Variants in ZCCHC7 observed in about 807,000 individuals in gnomAD.
ZCCHC7 encodes zinc finger CCHC domain-containing protein 7.
In ZCCHC7, 35 loss-of-function variants were observed where a neutral mutation model predicts 52.0. The ratio of observed to expected loss-of-function variants is 0.67; its 90% CI spans 0.51 to 0.89. ZCCHC7 has a LOEUF of 0.89. ZCCHC7 is among the 40% of genes least tolerant of loss of function. The pLI, the probability that ZCCHC7 is intolerant of heterozygous loss-of-function variation, is 0.00. For synonymous variants in ZCCHC7, 217 were observed against 221.5 expected (o/e 0.98, Z 0.18); for missense variants, 574 against 649.1 (o/e 0.88, Z 1.26).
chr9:37,174,137 C>T (rs2133000403), intron 2 of ZCCHC7, among the ~76,000 whole-genome samples: 1 of 152,054 alleles, frequency 6.6e-6, no homozygotes, highest in Non-Finnish European at 1.5e-5. Context: ...TATGGTGAAA[C>T]CCCATCTCTA....
At chr9:37,345,525 A>G (rs948285521) in intron 6 of ZCCHC7, among the ~76,000 whole-genome samples, 2 of 152,002 alleles carry the variant, frequency 1.3e-5, no homozygotes, top group Admixed American at 1.3e-4. Flanking sequence ...GTCAGGATCA[A>G]CCTGACCAAC....
intron 2 of ZCCHC7, among the ~76,000 whole-genome samples, chr9:37,186,034 A>G (rs138266542): frequency 1.1e-4 from 16 of 151,694 alleles, no homozygotes; most frequent in African/African-American, 3.9e-4. Flanking sequence ...TATTTTGGAG[A>G]TTGTATTATT....
chr9:37,171,775 C>G (rs577055068), intron 2 of ZCCHC7, among the ~76,000 whole-genome samples: 1 of 152,264 alleles, frequency 6.6e-6, no homozygotes, highest in African/African-American at 2.4e-5. Context: ...TTGAGTTCTA[C>G]AAACTAGTTA....
chr9:37,261,051 T>C (rs1826843557), intron 2 of ZCCHC7, among the ~76,000 whole-genome samples: 1 of 152,220 alleles, frequency 6.6e-6, no homozygotes, highest in Non-Finnish European at 1.5e-5. Flanking sequence ...ACTGGCTGCT[T>C]GATATGGATG....
chr9:37,348,171 T>C (rs1821118152), intron 6 of ZCCHC7, among the ~76,000 whole-genome samples: 1 of 152,178 alleles, frequency 6.6e-6, no homozygotes, highest in South Asian at 2.1e-4. Context: ...GATCCTTACC[T>C]AGATACTCCA....
chr9:37,273,111 T>TCTGTGG (rs1827506344), intron 2 of ZCCHC7, among the ~76,000 whole-genome samples: 1 of 152,242 alleles, frequency 6.6e-6, no homozygotes, highest in African/African-American at 2.4e-5. Context: ...GTATATATTG[T>TCTGTGG]CTGTGGCTGT....
intron 2 of ZCCHC7, among the ~76,000 whole-genome samples, chr9:37,143,372 T>C (rs778392793): frequency 6.6e-6 from 1 of 151,806 alleles, no homozygotes. Context: ...GGAAACTGTT[T>C]TAGCTTTAGC....
chr9:37,254,748 A>AT (rs1826493065), intron 2 of ZCCHC7, among the ~76,000 whole-genome samples: 2 of 148,702 alleles, frequency 1.3e-5, no homozygotes, highest in African/African-American at 2.5e-5. Context: ...TAGATTTTGG[A>AT]TTTTTTCAAA....
intron 2 of ZCCHC7, among the ~76,000 whole-genome samples, chr9:37,257,903 C>G (rs1016992653): frequency 1.5e-4 from 23 of 152,130 alleles, no homozygotes; most frequent in Non-Finnish European, 4.4e-5. Flanking sequence ...AATAAACCCT[C>G]TTTTCTTTAT....
chr9:37,174,671 A>G (rs1442316482), intron 2 of ZCCHC7, among the ~76,000 whole-genome samples: 1 of 152,196 alleles, frequency 6.6e-6, no homozygotes, highest in Non-Finnish European at 1.5e-5. Flanking sequence ...CTAGTAGCTG[A>G]TGGTACCCTT....
At chr9:37,305,741 G>A in intron 5 of ZCCHC7, 27 bp downstream of exon 5, 2 of 1,608,332 alleles carry the variant, frequency 1.2e-6, no homozygotes, top group Non-Finnish European at 8.5e-7. Flanking sequence ...TAACTAATTT[G>A]TCAGGCTTTG....
At chr9:37,266,753 A>G (rs1460901807) in intron 2 of ZCCHC7, among the ~76,000 whole-genome samples, 1 of 152,130 alleles carries the variant, frequency 6.6e-6, no homozygotes, top group Admixed American at 6.5e-5. Flanking sequence ...ACACACCTGT[A>G]ATCTTAGCTA....
At chr9:37,166,993 G>GT (rs1159129370) in intron 2 of ZCCHC7, among the ~76,000 whole-genome samples, 2 of 152,044 alleles carry the variant, frequency 1.3e-5, no homozygotes, top group African/African-American at 2.4e-5. Context: ...AATATCCTGC[G>GT]TAAGAATGCC....
rs1391294649 is a variant in ZCCHC7 at position 37,274,840 on chromosome 9, T to TA, written c.611-27347dup. Among the ~76,000 whole-genome samples, 4 of 152,140 alleles carry TA rather than the reference T, an allele frequency of 2.6e-5. No individual in the cohort carries two copies. The South Asian group carries it at 6.2e-4, about 24-fold the overall frequency. ...AATGTAATCTACTTTGTTTTTTTTT[T>TA]ATATAGTGAGAGATGAATACCAATT... On this transcript the variant is annotated intron_variant, in intron 2 of 8. Coordinates refer to ENST00000336755, the MANE Select transcript of ZCCHC7 (RefSeq NM_032226.3).
chr9:37,337,168 A>T, intron 6 of ZCCHC7, among the ~76,000 whole-genome samples: 1 of 152,164 alleles, frequency 6.6e-6, no homozygotes, highest in East Asian at 1.9e-4. Context: ...CTATAATCTT[A>T]AACATAAAAT....
intron 7 of ZCCHC7, among the ~76,000 whole-genome samples, chr9:37,351,250 C>T (rs1284817565): frequency 6.6e-6 from 1 of 152,074 alleles, no homozygotes; most frequent in African/African-American, 2.4e-5. Context: ...TGTAAACAAC[C>T]CATTTTTTCT....
chr9:37,172,174 T>G (rs952319193), intron 2 of ZCCHC7, among the ~76,000 whole-genome samples: 1 of 152,220 alleles, frequency 6.6e-6, no homozygotes, highest in Non-Finnish European at 1.5e-5. Flanking sequence ...TACATGTTAT[T>G]TCGTTTAGAT....
intron 6 of ZCCHC7, among the ~76,000 whole-genome samples, chr9:37,343,864 A>G (rs1820789300): frequency 6.6e-6 from 1 of 152,214 alleles, no homozygotes. Context: ...TTATAACTCT[A>G]TCCTTATAGT....
At chr9:37,175,318 A>C (rs1360123435) in intron 2 of ZCCHC7, among the ~76,000 whole-genome samples, 3 of 152,066 alleles carry the variant, frequency 2.0e-5, no homozygotes, top group Non-Finnish European at 2.9e-5. Flanking sequence ...CTGAGGACTG[A>C]TGTTCATTGT....
Sources: gnomAD v4.1 joint callset for allele counts (sites outside exome capture counted in the v4.1 genomes callset) on GRCh38, gnomAD v4.1.1 for gene constraint, MANE v1.5 for transcripts, NCBI Gene and HGNC (gene_info 2026-07-23, HGNC 2026-07-21) for gene names.